Variants in DDAH1 observed in about 807,000 individuals in gnomAD.
DDAH1 encodes N(G),N(G)-dimethylarginine dimethylaminohydrolase 1.
DDAH1 carries 19 observed loss-of-function variants against 28.8 expected under a neutral mutation model. That is an observed-to-expected ratio of 0.66 (90% CI 0.46 to 0.97). The LOEUF is 0.97. DDAH1 is among the 50% of genes least tolerant of loss of function. DDAH1 has a pLI of 0.00. For missense variants in DDAH1, 326 were observed against 375.9 expected (o/e 0.87, Z 1.10); for synonymous variants, 153 against 154.4 (o/e 0.99, Z 0.07).
chr1:85,319,543 A>T lies in DDAH1; in HGVS notation c.*1909T>A, dbSNP rs1570361117. The T allele has an allele frequency of 6.6e-6, 1 of 152,224 alleles. No individual in the cohort carries two copies. The highest frequency in any genetic ancestry group is 2.4e-5 in the African/African-American group (1 of 41,458). The allele number at this position is 152,224 out of a possible 1,614,324, so 9.4% of individuals were successfully genotyped here. ...ACAGGGAGAATTTTTGCTTTTGCCA[A>T]GGAAGGGCCAGATTTAACCCAAAAG... On this transcript the variant is annotated 3_prime_UTR_variant, in exon 6 of 6. Transcript: ENST00000284031.
chr1:85,556,170 C>G (rs1658962987), intron 1 of DDAH1, among the ~76,000 whole-genome samples: 1 of 152,026 alleles, frequency 6.6e-6, no homozygotes, highest in African/African-American at 2.4e-5. Flanking sequence ...TCTCCTCCTT[C>G]CCCTGGGAAC....
intron 1 of DDAH1, among the ~76,000 whole-genome samples, chr1:85,359,465 G>C (rs903828048): frequency 6.6e-6 from 1 of 152,106 alleles, no homozygotes; most frequent in African/African-American, 2.4e-5. Context: ...TCCTACCCTT[G>C]CCAGGAAATA....
intron 1 of DDAH1, among the ~76,000 whole-genome samples, chr1:85,440,381 C>T (rs1441997794): frequency 1.3e-5 from 2 of 152,206 alleles, no homozygotes; most frequent in African/African-American, 4.8e-5. Context: ...CCTCTCTCCT[C>T]TACAACTTTC....
At chr1:85,344,073 G>T (rs571995791) in intron 4 of DDAH1, among the ~76,000 whole-genome samples, 2 of 152,292 alleles carry the variant, frequency 1.3e-5, no homozygotes, top group South Asian at 4.1e-4. Context: ...GATGCATTGT[G>T]AGCATTTTAA....
At chr1:85,449,231 T>C (rs530134548) in intron 1 of DDAH1, among the ~76,000 whole-genome samples, 2 of 152,096 alleles carry the variant, frequency 1.3e-5, no homozygotes, top group East Asian at 3.9e-4. Context: ...ATAAGGCAGG[T>C]TGGTGTCTGG....
intron 1 of DDAH1, among the ~76,000 whole-genome samples, chr1:85,532,219 T>C (rs2100774978): frequency 6.6e-6 from 1 of 151,646 alleles, no homozygotes; most frequent in African/African-American, 2.4e-5. Flanking sequence ...CCATCTGCAC[T>C]CTTGATTCTC....
At chr1:85,468,840 A>G (rs1312045728), upstream of DDAH1, among the ~76,000 whole-genome samples, 2 of 152,130 alleles carry the variant, frequency 1.3e-5, no homozygotes, top group Admixed American at 6.5e-5. Flanking sequence ...TTATTAAACC[A>G]TCAGATCTCA....
At chr1:85,444,691 A>G (rs1654354787) in intron 1 of DDAH1, among the ~76,000 whole-genome samples, 1 of 152,132 alleles carries the variant, frequency 6.6e-6, no homozygotes, top group South Asian at 2.1e-4. Flanking sequence ...TGTGCTCCTC[A>G]CTGTGCTCTG....
chr1:85,554,232 A>G (rs1658891724), intron 1 of DDAH1, among the ~76,000 whole-genome samples: 1 of 150,882 alleles, frequency 6.6e-6, no homozygotes, highest in Non-Finnish European at 1.5e-5. Context: ...GCTCAAGACC[A>G]ATGTACAGGC....
At chr1:85,352,397 G>GA (rs1288811250) in intron 2 of DDAH1, among the ~76,000 whole-genome samples, 1 of 152,136 alleles carries the variant, frequency 6.6e-6, no homozygotes, top group East Asian at 1.9e-4. Context: ...AAGTGCCTTA[G>GA]AAAATGAATG....
At chr1:85,422,690 T>C (rs1488039676) in intron 1 of DDAH1, among the ~76,000 whole-genome samples, 3 of 151,932 alleles carry the variant, frequency 2.0e-5, no homozygotes, top group African/African-American at 7.3e-5. Flanking sequence ...CTGAATTGAG[T>C]CCCCCTAAAA....
At chr1:85,384,808 CTTCT>C (rs1651169213) in intron 1 of DDAH1, among the ~76,000 whole-genome samples, 1 of 152,230 alleles carries the variant, frequency 6.6e-6, no homozygotes, top group South Asian at 2.1e-4. Context: ...CTAGAAATTG[CTTCT>C]TTAAGAACAA....
Position 85,490,331 on chromosome 1 carries a change from A to C in DDAH1, c.-7+5835T>G, listed in dbSNP as rs536566660. ...ACAGGAGAAATGTGAAATGAGTGGG[A>C]AAATAATGATGTTGGCATAAAAAGT... is the stretch of plus-strand genomic sequence containing the variant. On this transcript the variant is annotated intron_variant, in intron 2 of 6. Transcript: ENST00000426972. Among the ~76,000 whole-genome samples, 172 of 152,336 alleles carry C rather than the reference A, an allele frequency of 1.1e-3. 3 individuals carry two copies. Among genetic ancestry groups the C allele is most frequent in the Non-Finnish European group, 1.1e-3 (72 of 68,016 alleles).
chr1:85,404,679 G>A (rs927735443), intron 1 of DDAH1, among the ~76,000 whole-genome samples: 7 of 152,086 alleles, frequency 4.6e-5, no homozygotes, highest in Non-Finnish European at 1.0e-4. Flanking sequence ...TAGCTTTTCC[G>A]TTCTTGGTGT....
intron 1 of DDAH1, among the ~76,000 whole-genome samples, chr1:85,520,507 T>C (rs1175474534): frequency 6.6e-6 from 1 of 152,242 alleles, no homozygotes; most frequent in Non-Finnish European, 1.5e-5. Flanking sequence ...CCAAAATATG[T>C]ACATGAAATG....
intron 1 of DDAH1, among the ~76,000 whole-genome samples, chr1:85,564,104 G>A (rs1043310814): frequency 7.2e-5 from 11 of 152,112 alleles, no homozygotes; most frequent in Non-Finnish European, 1.3e-4. Context: ...CCCTGGAGGC[G>A]GAAGTTGCAG....
In DDAH1 at chr1:85,458,322, T is replaced by C. The variant is rs144260593; in HGVS notation, c.303+6421A>G. 2.0e-5 allele frequency among the ~76,000 whole-genome samples: 3 copies of C among 152,242 alleles called. No homozygotes were observed. The East Asian group carries it at 5.8e-4, about 29-fold the overall frequency. On this transcript the variant is annotated intron_variant, in intron 1 of 5. Coordinates refer to ENST00000284031, the MANE Select transcript of DDAH1 (RefSeq NM_012137.4). The stretch of plus-strand genomic sequence containing the variant: ...GTCTGGTGATTTATTCCTTTCTATG[T>C]GATGCTACTGCTCCTTCAGCAGCAT...
chr1:85,447,452 A>G (rs1654485282), intron 1 of DDAH1, among the ~76,000 whole-genome samples: 1 of 152,204 alleles, frequency 6.6e-6, no homozygotes, highest in South Asian at 2.1e-4. Flanking sequence ...GAATTGAATG[A>G]AGCAAGTGGA....
chr1:85,466,912 A>G (rs1655407376), upstream of DDAH1, among the ~76,000 whole-genome samples: 1 of 124,880 alleles, frequency 8.0e-6, no homozygotes, highest in African/African-American at 3.1e-5. Flanking sequence ...ATCTCAGCTC[A>G]CTGCAACCTC....
Sources: allele counts gnomAD v4.1 joint callset (sites outside exome capture counted in the v4.1 genomes callset), GRCh38; gene constraint gnomAD v4.1.1; transcripts MANE v1.5; gene names NCBI Gene and HGNC (gene_info 2026-07-23, HGNC 2026-07-21).